NODAL: variants seen among roughly 807,000 people sequenced by gnomAD.
NODAL encodes nodal growth differentiation factor.
In NODAL, 12 loss-of-function variants were observed where a neutral mutation model predicts 34.0. The observed-to-expected ratio is 0.35, with a 90% CI of 0.23 to 0.57. The LOEUF is 0.57. NODAL is among the 20% of genes least tolerant of loss of function. NODAL has a pLI of 0.83. For synonymous variants in NODAL, 162 were observed against 186.4 expected (o/e 0.87, Z 1.07); for missense variants, 390 against 444.2 (o/e 0.88, Z 1.10).
rs752600236 is a variant in NODAL, at chr10:70,435,885, A to G, written c.292T>C (p.Ser98Pro). The stretch of plus-strand genomic sequence containing the variant: ...TCAGTGGGGAGGTCCACAGGGCTGG[A>G]CAGCTGCAGCCGGAGCTCAGCCCAT... ...LAWAELRLQL[S>P]SPVDLPTEGS... The change falls in exon 2 of 3, where the codon TCC becomes CCC. Residue 98 changes from serine to proline, a missense_variant. Ser to Pro is a moderately conservative substitution (Grantham distance 74). Coordinates refer to ENST00000287139, the MANE Select transcript of NODAL (RefSeq NM_018055.5). 1 of 1,614,002 alleles carries G rather than the reference A, an allele frequency of 6.2e-7. No homozygotes were observed. The highest frequency in any genetic ancestry group is 8.5e-7 in the Non-Finnish European group (1 of 1,180,038).
chr10:70,441,834 G>C (rs569136448), upstream of NODAL, among the ~76,000 whole-genome samples: 1 of 152,294 alleles, frequency 6.6e-6, no homozygotes, highest in Non-Finnish European at 1.5e-5. Context: ...GGCGAGACCT[G>C]AGCCTGGTGC....
In NODAL at chr10:70,441,371, G is replaced by A. The variant is rs1333062940; in HGVS notation, c.193+104C>T. ...GCCCGGGCGGCTGCAAACCCGGCTC[G>A]GAGCCGCAGCCCCCAACCCACAGCA... On this transcript the variant is annotated intron_variant, in intron 1 of 2. Coordinates refer to ENST00000287139, the MANE Select transcript of NODAL (RefSeq NM_018055.5). 18 of 1,340,326 alleles carry A rather than the reference G, an allele frequency of 1.3e-5. No individual in the cohort carries two copies. In the South Asian group the frequency reaches 1.4e-4, roughly 11 times the overall value. 83.0% of individuals were successfully genotyped at this position (1,340,326 alleles called of 1,614,324 possible).
In NODAL at chr10:70,441,573, C is replaced by T. The variant is rs768615876; in HGVS notation, c.95G>A (p.Arg32Gln). ...ATVATALLRT[R>Q]GQPSSPSPLA... The stretch of plus-strand genomic sequence containing the variant: ...AGGGGATGGCGACGAGGGCTGCCCC[C>T]GCGTACGCAGGAGCGCAGTGGCCAC... Residue 32 changes from arginine (R) to glutamine (Q), a missense_variant, in exon 1 of 3, where the codon CGG (arginine) becomes CAG (glutamine). By Grantham distance (43) the Arg-to-Gln change is conservative (BLOSUM62 1). Transcript: ENST00000287139. 6.4e-7 allele frequency: 1 copy of T among 1,572,600 alleles called. No homozygotes were observed.
At chr10:70,436,558 C>CA (rs71472966) in intron 1 of NODAL, 37,376 of 96,794 alleles carry the variant, frequency 0.39, 7,661 homozygotes, top group African/African-American at 0.42. Context: ...AACTCTGTCT[C>CA]AAAAAAAAAA....
intron 1 of NODAL, among the ~76,000 whole-genome samples, chr10:70,446,859 A>C (rs1006530066): frequency 2.0e-5 from 3 of 152,092 alleles, no homozygotes; most frequent in Admixed American, 1.3e-4. Flanking sequence ...CACAGGTACC[A>C]GTAAGTATTT....
rs2231948 is a variant in NODAL, at chr10:70,434,103, A to G, written c.892-1015T>C. 4.6e-3 allele frequency among the ~76,000 whole-genome samples: 702 copies of G among 152,268 alleles called. 2 individuals are homozygous for G. The highest frequency in any genetic ancestry group is 0.016 in the African/African-American group (667 of 41,556). On this transcript the variant is annotated intron_variant, in intron 2 of 2. Transcript: ENST00000287139. ...CCCCAGAGACCCTGAATCCCGCCTG[A>G]GGCTTGGCATGGAGGATATATTGCA...
In NODAL at chr10:70,433,061, G is replaced by C. The variant is rs949415691; in HGVS notation, c.919C>G (p.Arg307Gly). 2 of 1,614,090 alleles carry C rather than the reference G, an allele frequency of 1.2e-6. No individual in the cohort carries two copies. The highest frequency in any genetic ancestry group is 1.7e-5 in the Admixed American group (1 of 60,018). Residue 307 changes from arginine (R) to glycine (G), a missense_variant, in exon 3 of 3, where the codon CGA becomes GGA. Physicochemically the swap from Arg to Gly is moderately radical, Grantham distance 125. Transcript: ENST00000287139. ...GGGGCACAACAAGTGGAAGGGACTC[G>C]GTGGGGCTGGTAACGTTTCAGCAGA... ...QSLLKRYQPHRVPSTCCAPVK... is the reference protein window; with the variant it reads ...QSLLKRYQPHGVPSTCCAPVK...
At chr10:70,436,101 G>T (rs1230704153) in intron 1 of NODAL, 118 bp from the exon 2 acceptor site, 4 of 828,456 alleles carry the variant, frequency 4.8e-6, no homozygotes, top group Non-Finnish European at 6.1e-6. Context: ...AATTACCTTC[G>T]AATTCTCACC....
Position 70,432,909 on chromosome 10 carries a change from C to T in NODAL, c.*27G>A, listed in dbSNP as rs761753832. 1.5e-5 allele frequency: 25 copies of T among 1,613,524 alleles called. No homozygotes were observed. Among genetic ancestry groups the T allele is most frequent in the Admixed American group, 5.0e-5 (3 of 59,988 alleles). ...GTTTCCCAGCCTTCCAGAGTGCAGG[C>T]AAATCCAGTCTCCCTCCAGGATGTC... On this transcript the variant is annotated 3_prime_UTR_variant, in exon 3 of 3. Coordinates refer to ENST00000287139, the MANE Select transcript of NODAL (RefSeq NM_018055.5).
chr10:70,434,770 T>G, intron 2 of NODAL: 1 of 164,318 alleles, frequency 6.1e-6, no homozygotes, highest in Non-Finnish European at 1.3e-5. Context: ...ACATGCCTGT[T>G]ACCTACCAAC....
chr10:70,439,940 C>T (rs1373573394), intron 1 of NODAL, among the ~76,000 whole-genome samples: 1 of 152,194 alleles, frequency 6.6e-6, no homozygotes, highest in Non-Finnish European at 1.5e-5. Context: ...GGCGCAGTGG[C>T]GCGCGCCTGT....
chr10:70,441,745 T>A, upstream of NODAL: 1 of 1,445,850 alleles, frequency 6.9e-7, no homozygotes, highest in East Asian at 2.5e-5. Context: ...CCCCCACCTT[T>A]CCTCCCTCTG....
intron 2 of NODAL, among the ~76,000 whole-genome samples, chr10:70,434,297 C>T (rs936304177): frequency 6.6e-6 from 1 of 152,216 alleles, no homozygotes; most frequent in African/African-American, 2.4e-5. Context: ...CAGCTCTGTT[C>T]TTCCTCCACC....
At position 70,441,540 on chromosome 10, in the gene NODAL, T is replaced by C. The variant is rs774448003; in HGVS notation, c.128A>G (p.Tyr43Cys). The C allele has an allele frequency of 1.1e-5, 18 of 1,594,180 alleles. No individual in the cohort carries two copies. The highest frequency in any genetic ancestry group is 1.5e-5 in the Non-Finnish European group (18 of 1,171,826). Residue 43 changes from tyrosine (Y) to cysteine (C), a missense_variant, in exon 1 of 3, where the codon TAC (tyrosine) becomes TGC (cysteine). By Grantham distance (194) the Tyr-to-Cys change is radical (BLOSUM62 -2). Transcript: ENST00000287139. ...GQPSSPSPLA[Y>C]MLSLYRDPLP... ...CGGGTCGCGGTAGAGGCTCAGCATG[T>C]ACGCCAGAGGGGATGGCGACGAGGG...
intron 2 of NODAL, 188 bp downstream of exon 2, chr10:70,435,098 T>C (rs1845326352): frequency 1.6e-6 from 1 of 611,776 alleles, no homozygotes; most frequent in East Asian, 2.8e-5. Context: ...CATGACCCCA[T>C]ACAGGCTCTA....
At chr10:70,442,351 C>G (rs902049994), upstream of NODAL, among the ~76,000 whole-genome samples, 1 of 152,344 alleles carries the variant, frequency 6.6e-6, no homozygotes, top group South Asian at 2.1e-4. Flanking sequence ...GGCTCTTCCC[C>G]GACAGGCAGA....
upstream of NODAL, among the ~76,000 whole-genome samples, chr10:70,444,594 A>T (rs116737892): frequency 6.6e-6 from 1 of 151,234 alleles, no homozygotes; most frequent in Non-Finnish European, 1.5e-5. Flanking sequence ...CTTGGCCTCC[A>T]TAAGTGCTGG....
chr10:70,443,480 G>A (rs527726320), upstream of NODAL, among the ~76,000 whole-genome samples: 1 of 152,016 alleles, frequency 6.6e-6, no homozygotes, highest in African/African-American at 2.4e-5. Flanking sequence ...TTGAGGCCAG[G>A]AGTTTGAGAC....
At chr10:70,444,527 G>C (rs945806342), upstream of NODAL, among the ~76,000 whole-genome samples, 1 of 151,948 alleles carries the variant, frequency 6.6e-6, no homozygotes, top group Non-Finnish European at 1.5e-5. Context: ...ACTGTTAGTA[G>C]AGACAGGAGT....
Sources: allele counts gnomAD v4.1 joint callset (sites outside exome capture counted in the v4.1 genomes callset), GRCh38; gene constraint gnomAD v4.1.1; transcripts MANE v1.5; gene names NCBI Gene and HGNC (gene_info 2026-07-23, HGNC 2026-07-21).